The following MACROD2 variants were observed in gnomAD, a reference collection of about 807,000 sequenced individuals.
The protein encoded by MACROD2 is ADP-ribose glycohydrolase MACROD2.
Under a neutral mutation model 70.4 loss-of-function variants are expected in MACROD2, and 36 were observed. That is an observed-to-expected ratio of 0.51 (90% CI 0.39 to 0.68). The LOEUF is 0.68. Among genes scored for constraint, MACROD2 ranks in the 30% least tolerant of loss-of-function variants. MACROD2 has a pLI of 0.00. For missense variants in MACROD2, 496 were observed against 538.4 expected, an observed-to-expected ratio of 0.92 and a Z score of 0.78; for synonymous variants, 172 against 178.8, an observed-to-expected ratio of 0.96 and a Z score of 0.30.
At chr20:15,964,190 G>A (rs2066105208) in intron 12 of MACROD2, among the ~76,000 whole-genome samples, 1 of 152,130 alleles carries the variant, frequency 6.6e-6, no homozygotes, top group Non-Finnish European at 1.5e-5. Flanking sequence ...AACTTACATG[G>A]AAATAATAAG....
intron 5 of MACROD2, among the ~76,000 whole-genome samples, chr20:15,089,087 A>G (rs547817385): frequency 2.6e-5 from 4 of 152,254 alleles, no homozygotes; most frequent in Admixed American, 6.5e-5. Flanking sequence ...ATTAGCAAGC[A>G]TAATGGTTGT....
chr20:15,416,768 G>GA (rs1332302358), intron 6 of MACROD2, among the ~76,000 whole-genome samples: 5 of 90,992 alleles, frequency 5.5e-5, no homozygotes, highest in African/African-American at 2.1e-4. Context: ...GCGGGGCGGT[G>GA]GGGGGGCGCC....
intron 2 of MACROD2, among the ~76,000 whole-genome samples, chr20:14,081,712 A>C (rs2053997134): frequency 6.6e-6 from 1 of 152,230 alleles, no homozygotes. Context: ...GGTAATTTAT[A>C]TTGTTGTATT....
intron 15 of MACROD2, among the ~76,000 whole-genome samples, chr20:16,010,722 C>T (rs758863181): frequency 6.6e-6 from 1 of 152,178 alleles, no homozygotes; most frequent in Non-Finnish European, 1.5e-5. Flanking sequence ...ACAGCATCCC[C>T]TCCATCCCTT....
chr20:15,674,316 G>C (rs1600741257), intron 8 of MACROD2, among the ~76,000 whole-genome samples: 1 of 152,152 alleles, frequency 6.6e-6, no homozygotes, highest in South Asian at 2.1e-4. Context: ...TGGAGAGGGG[G>C]CCCTGGAGTT....
chr20:14,345,333 C>G (rs926799711), intron 3 of MACROD2, among the ~76,000 whole-genome samples: 3 of 152,020 alleles, frequency 2.0e-5, no homozygotes, highest in African/African-American at 7.3e-5. Context: ...AAGTTAGAGA[C>G]AATTATATTA....
At chr20:14,010,963 A>G (rs539187229) in intron 2 of MACROD2, among the ~76,000 whole-genome samples, 1 of 152,168 alleles carries the variant, frequency 6.6e-6, no homozygotes, top group African/African-American at 2.4e-5. Flanking sequence ...TGGAATTTTC[A>G]GTGGTGTAAT....
chr20:15,632,535 C>T (rs551331741), intron 8 of MACROD2, among the ~76,000 whole-genome samples: 1 of 152,220 alleles, frequency 6.6e-6, no homozygotes, highest in Admixed American at 6.5e-5. Flanking sequence ...GAAAAAGAGA[C>T]AGGACCAGGA....
At chr20:15,049,360 A>C (rs1214926425) in intron 5 of MACROD2, among the ~76,000 whole-genome samples, 1 of 152,080 alleles carries the variant, frequency 6.6e-6, no homozygotes, top group East Asian at 1.9e-4. Context: ...TGTTGCCACC[A>C]AGAAAATACA....
chr20:14,795,086 C>G (rs1475061015), intron 5 of MACROD2, among the ~76,000 whole-genome samples: 1 of 151,970 alleles, frequency 6.6e-6, no homozygotes, highest in Non-Finnish European at 1.5e-5. Context: ...CTACTGGAGC[C>G]AATGCACAGG....
At chr20:14,109,907 A>T (rs1321015731) in intron 3 of MACROD2, among the ~76,000 whole-genome samples, 1 of 151,912 alleles carries the variant, frequency 6.6e-6, no homozygotes, top group East Asian at 1.9e-4. Flanking sequence ...AATGAAAGAC[A>T]CATAAAAAAA....
intron 8 of MACROD2, among the ~76,000 whole-genome samples, chr20:15,843,680 C>T (rs2064198899): frequency 6.6e-6 from 1 of 152,010 alleles, no homozygotes; most frequent in African/African-American, 2.4e-5. Flanking sequence ...GAATTTCTAC[C>T]ATGGGCCCAT....
intron 15 of MACROD2, among the ~76,000 whole-genome samples, chr20:16,017,164 T>C (rs932394600): frequency 1.3e-5 from 2 of 152,212 alleles, no homozygotes; most frequent in East Asian, 1.9e-4. Context: ...CTGATATCAA[T>C]TTCCTTAATT....
chr20:15,020,226 C>T (rs533603019), intron 5 of MACROD2, among the ~76,000 whole-genome samples: 1 of 152,198 alleles, frequency 6.6e-6, no homozygotes, highest in South Asian at 2.1e-4. Flanking sequence ...TTTCCCAAGT[C>T]CTCACCTGAA....
At chr20:15,973,284 G>A (rs1301857542) in intron 13 of MACROD2, among the ~76,000 whole-genome samples, 1 of 152,062 alleles carries the variant, frequency 6.6e-6, no homozygotes. Flanking sequence ...AGGGAATGAA[G>A]AAAGGAGGAA....
At chr20:14,320,522 A>C (rs1202444127) in intron 3 of MACROD2, among the ~76,000 whole-genome samples, 1 of 152,154 alleles carries the variant, frequency 6.6e-6, no homozygotes, top group Non-Finnish European at 1.5e-5. Flanking sequence ...CTTGGAATTC[A>C]ACACACTACA....
At chr20:14,528,662 G>A (rs754604709) in intron 4 of MACROD2, among the ~76,000 whole-genome samples, 5 of 150,962 alleles carry the variant, frequency 3.3e-5, no homozygotes, top group East Asian at 1.9e-4. Flanking sequence ...TTCTTTTTGC[G>A]GGGGTTGGGG....
intron 5 of MACROD2, among the ~76,000 whole-genome samples, chr20:14,751,909 A>T (rs2071876584): frequency 6.6e-6 from 1 of 151,950 alleles, no homozygotes; most frequent in South Asian, 2.1e-4. Context: ...AATCTTACCT[A>T]CCTTTGGAGT....
intron 3 of MACROD2, among the ~76,000 whole-genome samples, chr20:14,406,757 C>T (rs2083695111): frequency 6.6e-6 from 1 of 152,254 alleles, no homozygotes; most frequent in East Asian, 1.9e-4. Context: ...CCCTGAAACT[C>T]ACCATCTTTG....
Sources: allele counts gnomAD v4.1 joint callset (sites outside exome capture counted in the v4.1 genomes callset), GRCh38; gene constraint gnomAD v4.1.1; transcripts MANE v1.5; gene names NCBI Gene and HGNC (gene_info 2026-07-23, HGNC 2026-07-21).